CERT1: variants seen among roughly 807,000 people sequenced by gnomAD.
CERT1 encodes ceramide transfer protein.
CERT1 carries 31 observed loss-of-function variants against 87.9 expected under a neutral mutation model. That is an observed-to-expected ratio of 0.35 (90% CI 0.27 to 0.48). CERT1 has a LOEUF of 0.48. CERT1 is among the 20% of genes least tolerant of loss of function. CERT1 has a pLI of 0.99. For synonymous variants in CERT1, 289 were observed against 250.9 expected (o/e 1.15, Z -1.44); for missense variants, 487 against 758.0 (o/e 0.64, Z 4.20).
intron 10 of CERT1, 80 bp downstream of exon 10, chr5:75,400,117 TGAGACTCC>T (rs1580717532): frequency 2.0e-6 from 2 of 995,882 alleles, no homozygotes; most frequent in African/African-American, 3.2e-5. Flanking sequence ...GGTGACAGAG[TGAGACTCC>T]GTCTCAAATA....
intron 11 of CERT1, among the ~76,000 whole-genome samples, chr5:75,392,605 C>T (rs535714977): frequency 6.6e-6 from 1 of 152,114 alleles, no homozygotes; most frequent in African/African-American, 2.4e-5. Flanking sequence ...GCACTGGTGA[C>T]CAGACTGACA....
At position 75,463,863 on chromosome 5, in the gene CERT1, A is replaced by ATTATGCTG; in HGVS notation, c.232-4683_232-4682insCAGCATAA. 3.3e-5 allele frequency among the ~76,000 whole-genome samples: 5 copies of ATTATGCTG among 152,298 alleles called. No individual in the cohort carries two copies. The South Asian group carries it at 6.2e-4, about 19-fold the overall frequency. The stretch of plus-strand genomic sequence containing the variant: ...ATAAGACTTAGGGAGGGGTAAGGAA[A>ATTATGCTG]AGGAGTTGCTCAACAGGAAGCAGGT... On this transcript the variant is annotated intron_variant, in intron 2 of 16. Transcript: ENST00000643780.
chr5:75,456,135 C>T (rs1402086973), intron 3 of CERT1, among the ~76,000 whole-genome samples: 1 of 152,124 alleles, frequency 6.6e-6, no homozygotes, highest in African/African-American at 2.4e-5. Context: ...AAACATCTCA[C>T]TAGCCCTGGT....
intron 9 of CERT1, chr5:75,402,726 G>A (rs995060514): frequency 2.3e-5 from 6 of 262,826 alleles, no homozygotes; most frequent in South Asian, 1.7e-4. Context: ...CTTGAACCCA[G>A]GAGGTGGAAG....
chr5:75,480,341 A>G (rs1461307898), intron 2 of CERT1, among the ~76,000 whole-genome samples: 1 of 152,216 alleles, frequency 6.6e-6, no homozygotes, highest in Non-Finnish European at 1.5e-5. Flanking sequence ...TCCTTCCCTC[A>G]TGAAAGTCCT....
At chr5:75,380,857 G>A (rs1761548978) in intron 16 of CERT1, among the ~76,000 whole-genome samples, 1 of 151,414 alleles carries the variant, frequency 6.6e-6, no homozygotes, top group South Asian at 2.1e-4. Flanking sequence ...TCCAGCTCTA[G>A]CTTCAGAAAT....
At chr5:75,387,602 C>A (rs188932117) in intron 12 of CERT1, among the ~76,000 whole-genome samples, 1 of 151,880 alleles carries the variant, frequency 6.6e-6, no homozygotes. Context: ...ATTAACCCAG[C>A]GTAGTGGCGG....
chr5:75,384,585 T>C lies in CERT1; in HGVS notation c.1488+57A>G, dbSNP rs757508322. 8.2e-7 allele frequency: 1 copy of C among 1,213,416 alleles called. No homozygotes were observed. Among genetic ancestry groups the C allele is most frequent in the Non-Finnish European group, 1.2e-6 (1 of 833,258 alleles). The allele number at this position is 1,213,416 out of a possible 1,614,324, so 75.2% of individuals were successfully genotyped here. On this transcript the variant is annotated intron_variant, in intron 14 of 16. Coordinates refer to ENST00000643780, the MANE Select transcript of CERT1 (RefSeq NM_001379029.1). ...CCCCAATTTTACTTTAGAGAATCTA[T>C]ATGTCTGAGTTTGAACTACATTGAA...
upstream of CERT1, chr5:75,511,913 G>T: frequency 7.9e-7 from 1 of 1,264,652 alleles, no homozygotes; most frequent in Non-Finnish European, 1.1e-6. Context: ...CTGAGGTAAC[G>T]GGTGAGTATC....
chr5:75,386,587 TAG>T (rs988481114), intron 12 of CERT1, among the ~76,000 whole-genome samples: 7 of 152,238 alleles, frequency 4.6e-5, no homozygotes, highest in African/African-American at 1.7e-4. Flanking sequence ...TTTAAAATTA[TAG>T]AGTTTGCTAC....
At chr5:75,381,524 TAA>T (rs779062129) in intron 15 of CERT1, among the ~76,000 whole-genome samples, 4 of 142,866 alleles carry the variant, frequency 2.8e-5, no homozygotes, top group East Asian at 2.0e-4. Flanking sequence ...CCTGGCTAAT[TAA>T]AAAAAAAAAA....
At chr5:75,399,419 A>T (rs376723977) in intron 10 of CERT1, 32 bp from the exon 11 acceptor site, 1 of 1,528,798 alleles carries the variant, frequency 6.5e-7, no homozygotes, top group Non-Finnish European at 9.1e-7. Context: ...AAAACCAAGT[A>T]ATCAGAACAA....
chr5:75,405,718 A>G (rs1405347129), intron 8 of CERT1, among the ~76,000 whole-genome samples: 6 of 152,230 alleles, frequency 3.9e-5, no homozygotes, highest in Non-Finnish European at 8.8e-5. Flanking sequence ...CTACATTCAT[A>G]TAACTTTTTA....
rs1300753027 is a variant in CERT1, at chr5:75,381,194, T to C, written c.1625A>G (p.Asn542Ser). 1 of 1,614,102 alleles carries C rather than the reference T, an allele frequency of 6.2e-7. No individual in the cohort carries two copies. The highest frequency in any genetic ancestry group is 1.3e-5 in the African/African-American group (1 of 75,040). ...ATTTATTTTGGCACGGACACATCGG[T>C]TGTTTAGCTGCCAAAACAAAAAACA... Reference protein sequence around the residue: ...SVDHDSAPLNNRCVRAKINVA... With the variant: ...SVDHDSAPLNSRCVRAKINVA... Residue 542 changes from asparagine to serine, a missense_variant, in exon 16 of 17, where the codon AAC becomes AGC. Physicochemically the swap from Asn to Ser is conservative, Grantham distance 46 (BLOSUM62 1). This residue lies in a region of CERT1 where 147 missense variants were observed against 200.8 expected (regional missense o/e 0.73). Transcript: ENST00000643780.
At chr5:75,419,280 G>T in intron 6 of CERT1, 61 bp downstream of exon 6, 1 of 1,074,620 alleles carries the variant, frequency 9.3e-7, no homozygotes, top group Non-Finnish European at 1.4e-6. Flanking sequence ...TTTCTTGTGA[G>T]TTGTTACATA....
downstream of CERT1, chr5:75,375,618 T>TAAATA (rs1388408424): frequency 3.7e-5 from 5 of 136,642 alleles, no homozygotes; most frequent in East Asian, 9.9e-4. Flanking sequence ...AATAAATAAA[T>TAAATA]AAATAAATAA....
chr5:75,428,086 AG>A (rs1763699107), intron 3 of CERT1, among the ~76,000 whole-genome samples: 1 of 152,160 alleles, frequency 6.6e-6, no homozygotes, highest in Admixed American at 6.5e-5. Flanking sequence ...ATTTCTATAT[AG>A]CTATTGGTTT....
chr5:75,466,758 C>T (rs1463341356), intron 2 of CERT1, among the ~76,000 whole-genome samples: 1 of 152,216 alleles, frequency 6.6e-6, no homozygotes, highest in Non-Finnish European at 1.5e-5. Context: ...TCCATACTTA[C>T]AGGTTCTGAT....
At chr5:75,445,964 T>C (rs1010695241) in intron 3 of CERT1, among the ~76,000 whole-genome samples, 1 of 152,258 alleles carries the variant, frequency 6.6e-6, no homozygotes, top group Non-Finnish European at 1.5e-5. Context: ...TCTGTATGTC[T>C]TTTGAAAGTT....
Sources: gnomAD v4.1 joint callset for allele counts (sites outside exome capture counted in the v4.1 genomes callset) on GRCh38, gnomAD v4.1.1 for gene constraint, gnomAD v4.1.1 regional missense constraint, MANE v1.5 for transcripts, NCBI Gene and HGNC (gene_info 2026-07-23, HGNC 2026-07-21) for gene names.